EYS: variants seen among roughly 807,000 people sequenced by gnomAD.
The protein encoded by EYS is EGF-like photoreceptor maintenance factor.
Under a neutral mutation model 282.1 loss-of-function variants are expected in EYS, and 250 were observed. The ratio of observed to expected loss-of-function variants is 0.89; its 90% CI spans 0.80 to 0.98. EYS has a LOEUF of 0.98. EYS is among the 50% of genes least tolerant of loss of function. The pLI is 0.00. For synonymous variants in EYS, 1,355 were observed against 1,282.9 expected (o/e 1.06, Z -1.20); for missense variants, 4,016 against 3,709.0 (o/e 1.08, Z -2.15).
intron 31 of EYS, among the ~76,000 whole-genome samples, chr6:64,125,262 G>C (rs1025987726): frequency 6.6e-6 from 1 of 152,046 alleles, no homozygotes; most frequent in African/African-American, 2.4e-5. Flanking sequence ...TTTCAAGTGG[G>C]TCCAAAACAT....
At chr6:65,436,505 C>G (rs1050420860) in intron 5 of EYS, among the ~76,000 whole-genome samples, 1 of 152,108 alleles carries the variant, frequency 6.6e-6, no homozygotes, top group East Asian at 1.9e-4. Flanking sequence ...TTCAGTGCTT[C>G]CCAGCATTTT....
At chr6:65,645,492 GAC>G (rs1767419852) in intron 1 of EYS, among the ~76,000 whole-genome samples, 1 of 152,036 alleles carries the variant, frequency 6.6e-6, no homozygotes, top group Admixed American at 6.6e-5. Flanking sequence ...GAATAATAGT[GAC>G]ACAACCTATC....
intron 5 of EYS, among the ~76,000 whole-genome samples, chr6:65,444,502 G>A (rs1329794450): frequency 9.9e-5 from 15 of 152,068 alleles, no homozygotes; most frequent in Admixed American, 9.2e-4. Flanking sequence ...TAGCGGAAAG[G>A]TCAGTCTTTG....
intron 12 of EYS, among the ~76,000 whole-genome samples, chr6:65,117,744 T>G (rs9453188): frequency 0.26 from 39,880 of 152,088 alleles, 6,430 homozygotes; most frequent in African/African-American, 0.45. Flanking sequence ...CAAAAAAGAA[T>G]GGGCAACTGA....
At chr6:65,609,625 A>G (rs1286923529) in intron 2 of EYS, among the ~76,000 whole-genome samples, 1 of 152,112 alleles carries the variant, frequency 6.6e-6, no homozygotes, top group Non-Finnish European at 1.5e-5. Flanking sequence ...GTATTATAAT[A>G]TCATATTTTA....
rs568614938 is a variant in EYS at position 64,478,905 on chromosome 6, T to C, written c.5645-39553A>G. Reference sequence around the variant, plus strand: ...AATAGTCTATTTTATTTTTTCAGGGTTTTAGATAAATAAAAGAATATACAG... The same window carrying C: ...AATAGTCTATTTTATTTTTTCAGGGCTTTAGATAAATAAAAGAATATACAG... On this transcript the variant is annotated intron_variant, in intron 26 of 42. Coordinates refer to ENST00000503581, the MANE Select transcript of EYS (RefSeq NM_001142800.2). Among the ~76,000 whole-genome samples the C allele has an allele frequency of 2.0e-5, 3 of 151,842 alleles. No individual in the cohort carries two copies. In the East Asian group the frequency reaches 5.8e-4, roughly 29 times the overall value.
At chr6:64,604,274 G>C (rs1766856434) in intron 24 of EYS, among the ~76,000 whole-genome samples, 1 of 151,942 alleles carries the variant, frequency 6.6e-6, no homozygotes, top group South Asian at 2.1e-4. Context: ...CATGTTTTCT[G>C]TCTGATAACC....
Position 65,637,430 on chromosome 6 carries a change from A to G in EYS, c.-333+2348T>C, listed in dbSNP as rs141589897. ...GGATGCTGGTTGCACAGCATGAGAC[A>G]TGGACAGGGTTGCATGTTCTGCAGA... On this transcript the variant is annotated intron_variant, in intron 2 of 42. Transcript: ENST00000503581. Among the ~76,000 whole-genome samples, 125 of 152,320 alleles carry G rather than the reference A, an allele frequency of 8.2e-4. 1 individual carries two copies. In the East Asian group the frequency reaches 0.021, roughly 26 times the overall value.
chr6:64,689,677 C>T (rs1040892085), intron 22 of EYS, among the ~76,000 whole-genome samples: 6 of 152,018 alleles, frequency 3.9e-5, no homozygotes, highest in African/African-American at 1.2e-4. Context: ...ATACTACACA[C>T]CTAGAACCAT....
chr6:64,884,995 T>G (rs937190769), intron 19 of EYS, among the ~76,000 whole-genome samples: 1 of 151,618 alleles, frequency 6.6e-6, no homozygotes, highest in Non-Finnish European at 1.5e-5. Flanking sequence ...TTGACTCAAG[T>G]GTAGAAATAA....
chr6:65,384,552 A>G (rs774292526), intron 7 of EYS, 52 bp from the exon 8 acceptor site: 1 of 910,004 alleles, frequency 1.1e-6, no homozygotes, highest in South Asian at 1.4e-5. Context: ...ATGTTTTCAG[A>G]AAAGCCTATT....
At chr6:65,043,394 T>C (rs1469338342) in intron 13 of EYS, among the ~76,000 whole-genome samples, 10 of 151,460 alleles carry the variant, frequency 6.6e-5, no homozygotes, top group Non-Finnish European at 1.5e-5. Flanking sequence ...TATCAGTGTG[T>C]CATAGTACAA....
intron 12 of EYS, among the ~76,000 whole-genome samples, chr6:65,168,253 T>C (rs1424123161): frequency 6.6e-6 from 1 of 151,246 alleles, no homozygotes; most frequent in African/African-American, 2.4e-5. Context: ...GGAAGTTCAG[T>C]AGCAGTCCAG....
intron 22 of EYS, chr6:64,733,385 G>C (rs1358937697): frequency 5.7e-6 from 1 of 174,272 alleles, no homozygotes; most frequent in Non-Finnish European, 1.3e-5. Context: ...CCAGGAGCTT[G>C]GTGCTTAACA....
At chr6:63,745,031 A>C (rs1172700824) in intron 41 of EYS, 5 of 433,362 alleles carry the variant, frequency 1.2e-5, no homozygotes, top group African/African-American at 6.2e-5. Flanking sequence ...CTGGCAAGAA[A>C]AAAGAATATT....
At chr6:64,301,370 C>T (rs1316831798) in intron 30 of EYS, among the ~76,000 whole-genome samples, 1 of 152,150 alleles carries the variant, frequency 6.6e-6, no homozygotes, top group South Asian at 2.1e-4. Context: ...ACAGAACAGA[C>T]CATTTCTCAC....
chr6:64,546,005 G>T (rs1764850016), intron 26 of EYS, among the ~76,000 whole-genome samples: 1 of 152,124 alleles, frequency 6.6e-6, no homozygotes, highest in Non-Finnish European at 1.5e-5. Context: ...TTTCTTCACA[G>T]AATTGGAAAA....
chr6:63,831,445 C>T (rs1406224272), intron 36 of EYS, among the ~76,000 whole-genome samples: 1 of 152,014 alleles, frequency 6.6e-6, no homozygotes, highest in African/African-American at 2.4e-5. Context: ...GACTTTAAAC[C>T]AACAAAGATC....
rs2150096072 is a variant in EYS at position 64,945,832 on chromosome 6, T to C, written c.2342A>G (p.Lys781Arg). 2 of 1,550,094 alleles carry C rather than the reference T, an allele frequency of 1.3e-6. No individual in the cohort carries two copies. Among genetic ancestry groups the C allele is most frequent in the East Asian group, 4.9e-5 (2 of 40,778 alleles). ...ESNECKMNPCKNNSTCTDLYK... is the reference protein window; with the variant it reads ...ESNECKMNPCRNNSTCTDLYK... ...AAGGTCAGTACAGGTGGAATTGTTCTTGCAAGGATTCATTTTACACTCATT... is the reference window on the plus strand; with the variant it reads ...AAGGTCAGTACAGGTGGAATTGTTCCTGCAAGGATTCATTTTACACTCATT... Residue 781 changes from lysine (K) to arginine (R), a missense_variant, in exon 15 of 43, where the codon AAG (lysine) becomes AGG (arginine). Lys to Arg is a conservative substitution (Grantham distance 26). Coordinates refer to ENST00000503581, the MANE Select transcript of EYS (RefSeq NM_001142800.2).
Sources: allele counts gnomAD v4.1 joint callset (sites outside exome capture counted in the v4.1 genomes callset), GRCh38; gene constraint gnomAD v4.1.1; transcripts MANE v1.5; gene names NCBI Gene and HGNC (gene_info 2026-07-23, HGNC 2026-07-21).